USH2A: variants seen among roughly 807,000 people sequenced by gnomAD.
USH2A encodes the protein Usher syndrome 2A (autosomal recessive, mild).
In USH2A, 443 loss-of-function variants were observed where a neutral mutation model predicts 538.9. That is an observed-to-expected ratio of 0.82 (90% CI 0.76 to 0.89). The LOEUF is 0.89. Ranked by LOEUF, USH2A falls within the 40% of genes least tolerant of loss-of-function variation. The pLI is 0.00. For missense variants in USH2A, 6,633 were observed against 6,324.8 expected, an observed-to-expected ratio of 1.05 and a Z score of -1.65; for synonymous variants, 2,413 against 2,273.5, an observed-to-expected ratio of 1.06 and a Z score of -1.75.
At chr1:216,214,944 T>C (rs982090919) in intron 15 of USH2A, among the ~76,000 whole-genome samples, 1 of 151,930 alleles carries the variant, frequency 6.6e-6, no homozygotes, top group African/African-American at 2.4e-5. Flanking sequence ...ATACAGAAAA[T>C]AGGACTATTT....
chr1:215,934,741 T>C lies in USH2A; in HGVS notation c.7175A>G (p.Glu2392Gly). ...ATCGATGAGCACCCAAAGGTTTGTC[T>C]CTTCTCCGCTGTACATGACTTTTGT... ...NVTKVMYSGEETNLWVLIDGL... is the reference protein window; with the variant it reads ...NVTKVMYSGEGTNLWVLIDGL... The change falls in exon 38 of 72, where the codon GAG becomes GGG. Residue 2392 changes from glutamate to glycine, a missense_variant. Glu to Gly is a moderately conservative substitution (Grantham distance 98). Transcript: ENST00000307340. 1 of 1,612,866 alleles carries C rather than the reference T, an allele frequency of 6.2e-7. No homozygotes were observed.
At chr1:216,231,249 TTATATATATA>T (rs1168287879) in intron 14 of USH2A, among the ~76,000 whole-genome samples, 22 of 83,744 alleles carry the variant, frequency 2.6e-4, no homozygotes, top group Non-Finnish European at 4.4e-4. Context: ...TATATATATA[TTATATATATA>T]ATATATATAT....
chr1:216,291,015 C>A (rs556276616), intron 10 of USH2A, among the ~76,000 whole-genome samples: 1 of 152,284 alleles, frequency 6.6e-6, no homozygotes, highest in South Asian at 2.1e-4. Context: ...CAGCACCTCA[C>A]TAACTAGTTT....
intron 43 of USH2A, among the ~76,000 whole-genome samples, chr1:215,868,050 G>A (rs1176749229): frequency 6.6e-5 from 10 of 152,124 alleles, no homozygotes; most frequent in Admixed American, 1.3e-4. Flanking sequence ...TGCAACACAC[G>A]ACCATCCCAG....
At position 216,199,968 on chromosome 1, in the gene USH2A, A is replaced by T. The variant is rs772541843; in HGVS notation, c.3470T>A (p.Ile1157Asn). The change falls in exon 17 of 72, where the codon ATC becomes AAC. Residue 1157 changes from isoleucine (I) to asparagine (N), a missense_variant. Transcript: ENST00000307340. ...VPEGNLTLSY[I>N]IPIGSDSVTL... is the part of the protein sequence containing the mutation. ...CACAGAGTCTGAGCCAATAGGAATGATATAACTTAAAGTCAAGTTTCCCTC... is the reference window on the plus strand; with the variant it reads ...CACAGAGTCTGAGCCAATAGGAATGTTATAACTTAAAGTCAAGTTTCCCTC... 6.2e-7 allele frequency: 1 copy of T among 1,614,132 alleles called. No homozygotes were observed. Among genetic ancestry groups the T allele is most frequent in the Non-Finnish European group, 8.5e-7 (1 of 1,179,998 alleles).
At chr1:216,297,101 T>C (rs2037121335) in intron 9 of USH2A, among the ~76,000 whole-genome samples, 1 of 152,020 alleles carries the variant, frequency 6.6e-6, no homozygotes. Context: ...CACATCTAAC[T>C]TCTGTTTCTT....
intron 11 of USH2A, among the ~76,000 whole-genome samples, chr1:216,271,344 A>G (rs1025579203): frequency 1.3e-5 from 2 of 152,126 alleles, no homozygotes; most frequent in Non-Finnish European, 2.9e-5. Context: ...CCTTACTTAG[A>G]ATATAAAGCG....
intron 9 of USH2A, among the ~76,000 whole-genome samples, chr1:216,306,700 C>T (rs1189058381): frequency 6.6e-6 from 1 of 152,204 alleles, no homozygotes; most frequent in Non-Finnish European, 1.5e-5. Context: ...CCACAGGGTG[C>T]TCCCCAGATG....
chr1:216,025,517 T>C (rs1266008581), intron 32 of USH2A, among the ~76,000 whole-genome samples: 4 of 152,088 alleles, frequency 2.6e-5, no homozygotes, highest in Non-Finnish European at 5.9e-5. Context: ...TATTTATTTA[T>C]GGTGATAGAG....
intron 37 of USH2A, among the ~76,000 whole-genome samples, chr1:215,944,457 C>A (rs1666710778): frequency 6.6e-6 from 1 of 152,078 alleles, no homozygotes; most frequent in Non-Finnish European, 1.5e-5. Context: ...TGGAACAAAG[C>A]ACGTGGAAAG....
intron 21 of USH2A, among the ~76,000 whole-genome samples, chr1:216,157,816 G>GA (rs2033979198): frequency 6.6e-6 from 1 of 152,118 alleles, no homozygotes; most frequent in African/African-American, 2.4e-5. Context: ...GGAGGGAGGG[G>GA]ACTGTAATTG....
At chr1:216,037,458 GAGTGA>G (rs1257810941) in intron 32 of USH2A, among the ~76,000 whole-genome samples, 1 of 152,066 alleles carries the variant, frequency 6.6e-6, no homozygotes, top group Non-Finnish European at 1.5e-5. Flanking sequence ...CTTTTGCTTT[GAGTGA>G]ACCACTTCCA....
At chr1:216,347,425 CA>C (rs1181972081) in intron 4 of USH2A, among the ~76,000 whole-genome samples, 2 of 151,900 alleles carry the variant, frequency 1.3e-5, no homozygotes, top group Admixed American at 1.3e-4. Context: ...ACAAGCTTTC[CA>C]AAATAAAATT....
chr1:216,201,740 G>T, intron 16 of USH2A: 2 of 222,996 alleles, frequency 9.0e-6, no homozygotes, highest in East Asian at 1.2e-4. Flanking sequence ...TCTTATCAGA[G>T]ATGACCCTGA....
chr1:216,260,352 C>A (rs901396700), intron 11 of USH2A, among the ~76,000 whole-genome samples: 1 of 152,074 alleles, frequency 6.6e-6, no homozygotes, highest in Non-Finnish European at 1.5e-5. Context: ...TCTTTGAGAG[C>A]CTTAAGACTT....
At position 215,766,733 on chromosome 1, in the gene USH2A, C is replaced by T. The variant is rs754025091; in HGVS notation, c.10995G>A (p.Gly3665=). Residue 3665 remains glycine (G), a synonymous_variant, in exon 56 of 72, where the codon GGG becomes GGA. Coordinates refer to ENST00000307340, the MANE Select transcript of USH2A (RefSeq NM_206933.4). ...CTAGAAAAGGCTCGCTTGAAGTGCACCCAGCAGATGTACAAGCTGTAAGAG... is the reference window on the plus strand; with the variant it reads ...CTAGAAAAGGCTCGCTTGAAGTGCATCCAGCAGATGTACAAGCTGTAAGAG... The part of the protein sequence containing the change: ...SFTLTACTSA[G]CTSSEPFLGQ... The T allele has an allele frequency of 1.2e-6, 2 of 1,613,662 alleles. No homozygotes were observed. Among genetic ancestry groups the T allele is most frequent in the Admixed American group, 1.7e-5 (1 of 60,014 alleles).
intron 14 of USH2A, among the ~76,000 whole-genome samples, chr1:216,224,207 C>G (rs1281653824): frequency 6.6e-6 from 1 of 152,126 alleles, no homozygotes; most frequent in Non-Finnish European, 1.5e-5. Flanking sequence ...ACCAGATGAA[C>G]TGGAGCAGTC....
At chr1:215,766,522 T>A (rs1351969951) in intron 56 of USH2A, among the ~76,000 whole-genome samples, 159 bp downstream of exon 56, 1 of 152,200 alleles carries the variant, frequency 6.6e-6, no homozygotes, top group Non-Finnish European at 1.5e-5. Flanking sequence ...TACACCTACA[T>A]GAATCAAGCC....
intron 9 of USH2A, among the ~76,000 whole-genome samples, chr1:216,295,574 T>G (rs1281919061): frequency 2.0e-5 from 3 of 152,072 alleles, no homozygotes; most frequent in African/African-American, 7.2e-5. Flanking sequence ...AAATTATATT[T>G]CATGTAAAGT....
Sources: gnomAD v4.1 joint callset for allele counts (sites outside exome capture counted in the v4.1 genomes callset) on GRCh38, gnomAD v4.1.1 for gene constraint, MANE v1.5 for transcripts, NCBI Gene and HGNC (gene_info 2026-07-23, HGNC 2026-07-21) for gene names.